POU2F3: variants seen among roughly 807,000 people sequenced by gnomAD.
POU2F3 encodes POU domain, class 2, transcription factor 3.
A neutral mutation model predicts 59.2 loss-of-function variants in POU2F3; 23 were observed. That is an observed-to-expected ratio of 0.39 (90% CI 0.28 to 0.55). The LOEUF (loss-of-function observed/expected upper bound fraction) is 0.55, where lower values mean the gene tolerates loss of function less well. Among genes scored for constraint, POU2F3 ranks in the 20% least tolerant of loss-of-function variants. The pLI, the probability that POU2F3 is intolerant of heterozygous loss-of-function variation, is 0.66. For missense variants in POU2F3, 473 were observed against 544.5 expected, an observed-to-expected ratio of 0.87 and a Z score of 1.31; for synonymous variants, 190 against 214.6, an observed-to-expected ratio of 0.89 and a Z score of 1.00.
At chr11:120,256,742 C>A (rs1361250712) in intron 2 of POU2F3, 2 of 152,204 alleles carry the variant, frequency 1.3e-5, no homozygotes, top group East Asian at 3.8e-4. Context: ...CCCCCTCCTC[C>A]CAGGACCCAG....
chr11:120,257,205 G>A (rs555125642), intron 2 of POU2F3, among the ~76,000 whole-genome samples: 3 of 152,290 alleles, frequency 2.0e-5, no homozygotes, highest in African/African-American at 7.2e-5. Context: ...CTATTTTATA[G>A]GGGAGGAGAC....
rs530780708 is a variant in POU2F3 at position 120,306,093 on chromosome 11, A to T, written c.769+308A>T. 6.7e-4 allele frequency among the ~76,000 whole-genome samples: 102 copies of T among 152,326 alleles called. 1 individual carries two copies. The highest frequency in any genetic ancestry group is 2.4e-3 in the African/African-American group (98 of 41,566). ...ACAGCTTGCCAGCAACAAAGTCTGGATCTGCAGAGCAGATACACTTATGCA... is the reference window on the plus strand; with the variant it reads ...ACAGCTTGCCAGCAACAAAGTCTGGTTCTGCAGAGCAGATACACTTATGCA... On this transcript the variant is annotated intron_variant, in intron 8 of 12. Transcript: ENST00000543440.
At chr11:120,283,581 G>A (rs1197702506) in intron 3 of POU2F3, among the ~76,000 whole-genome samples, 2 of 152,140 alleles carry the variant, frequency 1.3e-5, no homozygotes, top group African/African-American at 4.8e-5. Flanking sequence ...CGAAAGCAGA[G>A]AGGAACAGAG....
At chr11:120,251,793 CTTTTTTTT>C (rs547326332) in intron 2 of POU2F3, among the ~76,000 whole-genome samples, 1 of 125,244 alleles carries the variant, frequency 8.0e-6, no homozygotes, top group East Asian at 3.0e-4. Flanking sequence ...TCTTGGCTGC[CTTTTTTTT>C]TTTTTTTTTT....
intron 3 of POU2F3, among the ~76,000 whole-genome samples, chr11:120,274,396 T>C (rs1013868205): frequency 6.6e-6 from 1 of 152,182 alleles, no homozygotes; most frequent in South Asian, 2.1e-4. Flanking sequence ...ATTATTACTA[T>C]TTCAGTAGGC....
At chr11:120,271,330 G>A (rs1281287989) in intron 3 of POU2F3, among the ~76,000 whole-genome samples, 1 of 152,254 alleles carries the variant, frequency 6.6e-6, no homozygotes, top group East Asian at 1.9e-4. Context: ...ATGTGAGACA[G>A]GTTCTTACCT....
intron 3 of POU2F3, among the ~76,000 whole-genome samples, chr11:120,271,628 C>T (rs1008321784): frequency 3.9e-5 from 6 of 152,286 alleles, no homozygotes; most frequent in African/African-American, 1.4e-4. Context: ...ATGGGCTTGG[C>T]GGCCCATGTG....
intron 2 of POU2F3, among the ~76,000 whole-genome samples, chr11:120,257,831 G>GC (rs565062931): frequency 3.6e-4 from 55 of 152,322 alleles, no homozygotes; most frequent in African/African-American, 1.3e-3. Context: ...CTGCATTTGA[G>GC]CCAGGCATTT....
intron 12 of POU2F3, 38 bp from the exon 13 acceptor site, chr11:120,318,315 A>T (rs763485473): frequency 6.4e-7 from 1 of 1,564,338 alleles, no homozygotes; most frequent in South Asian, 1.1e-5. Context: ...ACGCCATCAC[A>T]TTATTAGCTT....
chr11:120,269,193 A>G lies in POU2F3; in HGVS notation c.98-17A>G, dbSNP rs1264972627. On this transcript the variant is annotated splice_polypyrimidine_tract_variant and intron_variant, in intron 2 of 12. Transcript: ENST00000543440. Reference sequence around the variant, plus strand: ...ACCTGCTACCAACTAATATACATATATTTTTATCTTTTCTAGGAAATGATC... The same window carrying G: ...ACCTGCTACCAACTAATATACATATGTTTTTATCTTTTCTAGGAAATGATC... 6.4e-7 allele frequency: 1 copy of G among 1,566,538 alleles called. No homozygotes were observed. Among genetic ancestry groups the G allele is most frequent in the East Asian group, 2.2e-5 (1 of 44,628 alleles).
intron 1 of POU2F3, among the ~76,000 whole-genome samples, chr11:120,243,161 G>T (rs997437288): frequency 4.6e-5 from 7 of 152,154 alleles, no homozygotes; most frequent in African/African-American, 1.7e-4. Context: ...TTGGAGCCTT[G>T]GCTAGCTCAG....
In POU2F3 at chr11:120,298,451, C is replaced by T. The variant is rs576433764; in HGVS notation, c.258+61C>T. 3.8e-6 allele frequency: 6 copies of T among 1,596,542 alleles called. No individual in the cohort carries two copies. In the Admixed American group the frequency reaches 5.4e-5, roughly 14 times the overall value. Reference sequence around the variant, plus strand: ...TAACCCAATCCCTCTGTGAAATGCTCGACTTCCATGCTTGGTACTCGTCTA... The same window carrying T: ...TAACCCAATCCCTCTGTGAAATGCTTGACTTCCATGCTTGGTACTCGTCTA... On this transcript the variant is annotated intron_variant, in intron 4 of 12. Coordinates refer to ENST00000543440, the MANE Select transcript of POU2F3 (RefSeq NM_014352.4).
chr11:120,244,880 G>C (rs1423990113), intron 1 of POU2F3, among the ~76,000 whole-genome samples: 1 of 151,504 alleles, frequency 6.6e-6, no homozygotes, highest in Non-Finnish European at 1.5e-5. Flanking sequence ...AAACTATAGA[G>C]AGTTTGAGAC....
At chr11:120,279,064 C>T (rs867355403) in intron 3 of POU2F3, among the ~76,000 whole-genome samples, 3 of 152,242 alleles carry the variant, frequency 2.0e-5, no homozygotes, top group Middle Eastern at 3.4e-3. Context: ...TGTCATCATT[C>T]CTATTCCATA....
upstream of POU2F3, among the ~76,000 whole-genome samples, chr11:120,239,783 G>A (rs2135110303): frequency 6.6e-6 from 1 of 152,320 alleles, no homozygotes; most frequent in South Asian, 2.1e-4. Flanking sequence ...CTTTCCAGCA[G>A]ACCCCCGCGA....
In POU2F3 at chr11:120,309,414, G is replaced by A. The variant is rs779367092; in HGVS notation, c.907-11G>A. ...TCTCTTGGCCATACTCTGTCCTTTC[G>A]GTGCCTATAGAACCCAAAACCCAGC... On this transcript the variant is annotated splice_polypyrimidine_tract_variant and intron_variant, in intron 9 of 12. Transcript: ENST00000543440. The A allele has an allele frequency of 3.1e-6, 5 of 1,606,922 alleles. No individual in the cohort carries two copies. The highest frequency in any genetic ancestry group is 4.5e-5 in the East Asian group (2 of 44,804).
intron 3 of POU2F3, among the ~76,000 whole-genome samples, chr11:120,278,527 C>G (rs746346220): frequency 3.9e-5 from 6 of 152,006 alleles, no homozygotes; most frequent in Non-Finnish European, 7.4e-5. Context: ...AAAAGGCGCC[C>G]CCAGAAAGAA....
At chr11:120,282,651 CA>C (rs1193354849) in intron 3 of POU2F3, among the ~76,000 whole-genome samples, 1 of 151,492 alleles carries the variant, frequency 6.6e-6, no homozygotes, top group Non-Finnish European at 1.5e-5. Flanking sequence ...GACTCGGTCT[CA>C]AAAAAGAAAC....
At chr11:120,282,477 G>A (rs758330493) in intron 3 of POU2F3, among the ~76,000 whole-genome samples, 18 of 152,110 alleles carry the variant, frequency 1.2e-4, no homozygotes, top group South Asian at 2.1e-4. Context: ...CCAACATGGC[G>A]AAACCCTGTC....
Sources: gnomAD v4.1 joint callset for allele counts (sites outside exome capture counted in the v4.1 genomes callset) on GRCh38, gnomAD v4.1.1 for gene constraint, MANE v1.5 for transcripts, NCBI Gene and HGNC (gene_info 2026-07-23, HGNC 2026-07-21) for gene names.